The following CREBRF variants were observed in gnomAD, a reference collection of about 807,000 sequenced individuals.
CREBRF encodes CREB3 regulatory factor.
CREBRF carries 5 observed loss-of-function variants against 66.1 expected under a neutral mutation model. The observed-to-expected ratio is 0.08, with a 90% CI of 0.04 to 0.16. The LOEUF (loss-of-function observed/expected upper bound fraction) is 0.16, where lower values mean the gene tolerates loss of function less well. CREBRF is among the 10% of genes least tolerant of loss of function. The pLI, the probability that CREBRF is intolerant of heterozygous loss-of-function variation, is 1.00. For missense variants in CREBRF, 531 were observed against 744.9 expected, an observed-to-expected ratio of 0.71 and a Z score of 3.34; for synonymous variants, 229 against 264.4, an observed-to-expected ratio of 0.87 and a Z score of 1.30.
chr5:173,074,304 A>AG (rs1218874794), intron 1 of CREBRF, among the ~76,000 whole-genome samples: 2 of 150,526 alleles, frequency 1.3e-5, no homozygotes, highest in African/African-American at 4.8e-5. Context: ...TCTGTCTCAA[A>AG]AAAAAAAAAA....
chr5:173,128,446 A>G (rs1581051370), intron 8 of CREBRF, among the ~76,000 whole-genome samples: 1 of 151,308 alleles, frequency 6.6e-6, no homozygotes, highest in Non-Finnish European at 1.5e-5. Flanking sequence ...TTTTTAATAA[A>G]GTTTTTTCCT....
chr5:173,123,441 A>G (rs1194779687), intron 8 of CREBRF: 3 of 361,950 alleles, frequency 8.3e-6, no homozygotes, highest in South Asian at 3.5e-5. Context: ...AAGAAAAACA[A>G]ACTTCTAGCA....
chr5:173,100,120 A>ATGTG (rs1758587519), intron 4 of CREBRF, among the ~76,000 whole-genome samples: 1 of 40,974 alleles, frequency 2.4e-5, no homozygotes, highest in South Asian at 9.4e-4. Context: ...GTGTGTGTGT[A>ATGTG]TATATATATA....
At chr5:173,096,954 C>T (rs1458993620) in intron 4 of CREBRF, among the ~76,000 whole-genome samples, 2 of 152,068 alleles carry the variant, frequency 1.3e-5, no homozygotes, top group Non-Finnish European at 2.9e-5. Context: ...AGATAAATCC[C>T]ACTTCATCAT....
chr5:173,086,801 G>T (rs998140335), intron 3 of CREBRF, among the ~76,000 whole-genome samples, 175 bp downstream of exon 3: 1 of 151,956 alleles, frequency 6.6e-6, no homozygotes, highest in Non-Finnish European at 1.5e-5. Flanking sequence ...TTTTGAGACG[G>T]AGTCTCACTC....
At chr5:173,074,607 A>G (rs954626150) in intron 1 of CREBRF, among the ~76,000 whole-genome samples, 3 of 151,090 alleles carry the variant, frequency 2.0e-5, no homozygotes, top group Non-Finnish European at 4.4e-5. Context: ...TTTATTTTTT[A>G]AAATTTTTAT....
chr5:173,129,580 C>T (rs958330739), intron 8 of CREBRF, among the ~76,000 whole-genome samples: 2 of 151,866 alleles, frequency 1.3e-5, no homozygotes, highest in Non-Finnish European at 2.9e-5. Flanking sequence ...AAAAAGTTAG[C>T]CAGGCATGGT....
chr5:173,079,654 A>G (rs1314584487), intron 1 of CREBRF, among the ~76,000 whole-genome samples: 1 of 152,142 alleles, frequency 6.6e-6, no homozygotes, highest in Non-Finnish European at 1.5e-5. Context: ...AGAGGACCAC[A>G]ATCACCTGGA....
At chr5:173,096,920 T>C (rs1758492710) in intron 4 of CREBRF, among the ~76,000 whole-genome samples, 1 of 152,208 alleles carries the variant, frequency 6.6e-6, no homozygotes, top group African/African-American at 2.4e-5. Context: ...GATTTGCATA[T>C]ATTGAATCAT....
intron 4 of CREBRF, among the ~76,000 whole-genome samples, chr5:173,104,740 A>T (rs166123): frequency 0.36 from 52,988 of 145,482 alleles, 9,962 homozygotes; most frequent in Middle Eastern, 0.5. Flanking sequence ...AGAGAGAGAG[A>T]GTGTGTGTGT....
chr5:173,070,954 C>T (rs1247900258), intron 1 of CREBRF, among the ~76,000 whole-genome samples: 1 of 152,018 alleles, frequency 6.6e-6, no homozygotes, highest in Non-Finnish European at 1.5e-5. Context: ...GCATTTGGCA[C>T]TGTAGTGAAA....
intron 1 of CREBRF, among the ~76,000 whole-genome samples, chr5:173,079,227 G>A (rs1182548705): frequency 1.3e-5 from 2 of 152,122 alleles, no homozygotes; most frequent in African/African-American, 4.8e-5. Flanking sequence ...GGGAACGACA[G>A]CCCACTGGAG....
chr5:173,057,877 A>G (rs536436794), intron 1 of CREBRF, among the ~76,000 whole-genome samples: 10 of 146,534 alleles, frequency 6.8e-5, no homozygotes, highest in Non-Finnish European at 1.0e-4. Flanking sequence ...TCCTAGTCTT[A>G]GTAGTAATTT....
chr5:173,086,681 G>A, intron 3 of CREBRF, 55 bp downstream of exon 3: 1 of 1,517,998 alleles, frequency 6.6e-7, no homozygotes, highest in Non-Finnish European at 8.8e-7. Flanking sequence ...AAAGTTTGTG[G>A]GAGAGTTTTT....
intron 1 of CREBRF, among the ~76,000 whole-genome samples, chr5:173,073,828 G>A (rs1348255666): frequency 2.6e-5 from 4 of 152,122 alleles, no homozygotes; most frequent in East Asian, 1.9e-4. Flanking sequence ...TTAGCTGGGC[G>A]TGGTGGTGGG....
At chr5:173,063,413 G>T (rs929605016) in intron 1 of CREBRF, among the ~76,000 whole-genome samples, 1 of 152,088 alleles carries the variant, frequency 6.6e-6, no homozygotes, top group African/African-American at 2.4e-5. Flanking sequence ...TGTTGCCCAC[G>T]CTGGAGTGCA....
chr5:173,109,728 G>C (rs576314979), intron 5 of CREBRF: 1 of 152,324 alleles, frequency 6.6e-6, no homozygotes, highest in East Asian at 1.9e-4. Flanking sequence ...AGTTGCAAAG[G>C]ATTTTTGAGG....
intron 1 of CREBRF, chr5:173,060,320 TC>T (rs1757231464): frequency 6.6e-6 from 1 of 151,768 alleles, no homozygotes; most frequent in Non-Finnish European, 1.5e-5. Context: ...AACCTCCGTT[TC>T]CTGGGTTCAA....
At chr5:173,059,250 C>CTTTTTCTTT (rs1362056801) in intron 1 of CREBRF, among the ~76,000 whole-genome samples, 1 of 121,726 alleles carries the variant, frequency 8.2e-6, no homozygotes, top group East Asian at 2.0e-4. Flanking sequence ...ATCAGTTCTT[C>CTTTTTCTTT]TTTTTCTTTT....
Sources: gnomAD v4.1 joint callset for allele counts (sites outside exome capture counted in the v4.1 genomes callset) on GRCh38, gnomAD v4.1.1 for gene constraint, MANE v1.5 for transcripts, NCBI Gene and HGNC (gene_info 2026-07-23, HGNC 2026-07-21) for gene names.